Variants in CNTNAP5 observed in about 807,000 individuals in gnomAD.
The protein encoded by CNTNAP5 is contactin-associated protein-like 5.
In CNTNAP5, 72 loss-of-function variants were observed where a neutral mutation model predicts 150.2. That is an observed-to-expected ratio of 0.48 (90% CI 0.40 to 0.58). CNTNAP5 has a LOEUF of 0.58. Ranked by LOEUF, CNTNAP5 falls within the 20% of genes least tolerant of loss-of-function variation. CNTNAP5 has a pLI of 0.00. For synonymous variants in CNTNAP5, 672 were observed against 619.8 expected, an observed-to-expected ratio of 1.08 and a Z score of -1.25; for missense variants, 1,636 against 1,626.2, an observed-to-expected ratio of 1.01 and a Z score of -0.10.
chr2:124,623,109 T>C (rs572744216), intron 12 of CNTNAP5, among the ~76,000 whole-genome samples: 2 of 152,140 alleles, frequency 1.3e-5, no homozygotes, highest in South Asian at 2.1e-4. Flanking sequence ...TCCTCTACTA[T>C]GTTGAATCAA....
intron 19 of CNTNAP5, among the ~76,000 whole-genome samples, chr2:124,835,364 A>C (rs1280170101): frequency 6.6e-6 from 1 of 152,124 alleles, no homozygotes; most frequent in Non-Finnish European, 1.5e-5. Context: ...CTGGACCTGA[A>C]CGACTAGATT....
intron 1 of CNTNAP5, among the ~76,000 whole-genome samples, chr2:124,060,598 GT>G (rs1470136776): frequency 6.6e-6 from 1 of 152,150 alleles, no homozygotes; most frequent in Non-Finnish European, 1.5e-5. Context: ...CTGCCAGTGG[GT>G]ATACAAAGAG....
At chr2:124,351,926 T>A (rs1217268401) in intron 3 of CNTNAP5, among the ~76,000 whole-genome samples, 1 of 152,092 alleles carries the variant, frequency 6.6e-6, no homozygotes, top group African/African-American at 2.4e-5. Flanking sequence ...AGGTAAACAA[T>A]TTAACATATT....
intron 21 of CNTNAP5, among the ~76,000 whole-genome samples, chr2:124,889,389 C>G (rs746390439): frequency 1.3e-5 from 2 of 151,940 alleles, no homozygotes; most frequent in Admixed American, 1.3e-4. Context: ...CCACACCCAG[C>G]CTTACATTTA....
At chr2:124,065,269 T>C (rs1448719876) in intron 1 of CNTNAP5, among the ~76,000 whole-genome samples, 2 of 152,094 alleles carry the variant, frequency 1.3e-5, no homozygotes, top group Non-Finnish European at 2.9e-5. Flanking sequence ...GGCCAGAGAT[T>C]GAAGTAGACA....
chr2:124,329,909 G>A (rs1359278913), intron 3 of CNTNAP5, among the ~76,000 whole-genome samples: 1 of 152,198 alleles, frequency 6.6e-6, no homozygotes, highest in African/African-American at 2.4e-5. Flanking sequence ...AGTCAGTTGA[G>A]AAGATTCCTA....
chr2:124,683,978 G>C (rs1202665338), intron 13 of CNTNAP5, among the ~76,000 whole-genome samples: 1 of 152,146 alleles, frequency 6.6e-6, no homozygotes, highest in Non-Finnish European at 1.5e-5. Context: ...AAGGCCTGGG[G>C]ATGCTTCGAG....
chr2:124,707,140 GGAAGAAGAAGAAGAAGAAGAAGAAGAA>G (rs76714465), intron 13 of CNTNAP5, among the ~76,000 whole-genome samples: 1,211 of 86,480 alleles, frequency 0.014, 76 homozygotes, highest in Non-Finnish European at 0.012. Context: ...AAGAAGAAGA[GGAAGAAGAAGAAGAAGAAGAAGAAGAA>G]GAAGAAGAAG....
intron 10 of CNTNAP5, among the ~76,000 whole-genome samples, chr2:124,555,199 T>A (rs1298977572): frequency 6.6e-6 from 1 of 152,204 alleles, no homozygotes; most frequent in African/African-American, 2.4e-5. Context: ...TTTTTTCTCT[T>A]TCAGTACCAT....
At chr2:124,870,036 T>C (rs1014744898) in intron 21 of CNTNAP5, among the ~76,000 whole-genome samples, 2 of 152,136 alleles carry the variant, frequency 1.3e-5, no homozygotes, top group Non-Finnish European at 2.9e-5. Flanking sequence ...TTCAAATATA[T>C]TTTTAAGTTT....
chr2:124,312,746 A>G (rs1434031896), intron 3 of CNTNAP5, among the ~76,000 whole-genome samples: 1 of 151,962 alleles, frequency 6.6e-6, no homozygotes, highest in Non-Finnish European at 1.5e-5. Flanking sequence ...AATTTTTTGT[A>G]TTTTTAGTAG....
chr2:124,619,677 A>G (rs1205463733), intron 12 of CNTNAP5, among the ~76,000 whole-genome samples: 7 of 151,542 alleles, frequency 4.6e-5, no homozygotes, highest in African/African-American at 1.7e-4. Context: ...ACAAACACTA[A>G]CCTCTCCCAA....
intron 7 of CNTNAP5, among the ~76,000 whole-genome samples, chr2:124,483,813 C>A (rs1248080055): frequency 6.6e-6 from 1 of 152,240 alleles, no homozygotes; most frequent in African/African-American, 2.4e-5. Context: ...AAATTACACA[C>A]CTGGCATGGT....
chr2:124,392,730 A>G (rs532295688), intron 3 of CNTNAP5, among the ~76,000 whole-genome samples: 13 of 107,684 alleles, frequency 1.2e-4, no homozygotes, highest in South Asian at 1.1e-3. Flanking sequence ...GGAGGGGAGG[A>G]AAAAAAAAAG....
chr2:124,556,327 T>C (rs4848245), intron 10 of CNTNAP5, among the ~76,000 whole-genome samples: 61,784 of 151,964 alleles, frequency 0.41, 12,859 homozygotes, highest in East Asian at 0.62. Context: ...GATGTGATTG[T>C]GAGCACATGT....
chr2:124,138,351 TG>T (rs1684026330), intron 1 of CNTNAP5, among the ~76,000 whole-genome samples: 1 of 152,210 alleles, frequency 6.6e-6, no homozygotes, highest in African/African-American at 2.4e-5. Flanking sequence ...CCTAAGGAAC[TG>T]TTATCAATAT....
intron 16 of CNTNAP5, among the ~76,000 whole-genome samples, chr2:124,771,234 G>A (rs535075752): frequency 2.0e-5 from 3 of 152,242 alleles, no homozygotes; most frequent in East Asian, 3.9e-4. Context: ...ATTTTAGGGG[G>A]TAGAGGAGAG....
intron 1 of CNTNAP5, among the ~76,000 whole-genome samples, chr2:124,128,304 C>G (rs1006689494): frequency 2.6e-5 from 4 of 152,060 alleles, no homozygotes; most frequent in East Asian, 1.9e-4. Flanking sequence ...AACAGACACA[C>G]GAAAAAATGC....
chr2:124,039,609 C>T lies in CNTNAP5; in HGVS notation c.82+13877C>T, dbSNP rs539253660. Among the ~76,000 whole-genome samples the T allele has an allele frequency of 3.9e-5, 6 of 152,260 alleles. No homozygotes were observed. In the East Asian group the frequency reaches 1.2e-3, roughly 29 times the overall value. On this transcript the variant is annotated intron_variant, in intron 1 of 23. Transcript: ENST00000682447. ...AAATTGTCACACACCTGGATTCAGT[C>T]TTCATTTCTGATTCTGGTCAGAATA...
Sources: gnomAD v4.1 joint callset for allele counts (sites outside exome capture counted in the v4.1 genomes callset) on GRCh38, gnomAD v4.1.1 for gene constraint, MANE v1.5 for transcripts, NCBI Gene and HGNC (gene_info 2026-07-23, HGNC 2026-07-21) for gene names.